Variants in ARHGEF7 observed in about 807,000 individuals in gnomAD.
The protein encoded by ARHGEF7 is PAK-interacting exchange factor beta.
In ARHGEF7, 33 loss-of-function variants were observed where a neutral mutation model predicts 109.8. That is an observed-to-expected ratio of 0.30 (90% CI 0.23 to 0.40). The LOEUF (loss-of-function observed/expected upper bound fraction) is 0.40, where lower values mean the gene tolerates loss of function less well. ARHGEF7 is among the 10% of genes least tolerant of loss of function. ARHGEF7 has a pLI of 1.00. For missense variants in ARHGEF7, 938 were observed against 1,098.5 expected, an observed-to-expected ratio of 0.85 and a Z score of 2.07; for synonymous variants, 458 against 424.6, an observed-to-expected ratio of 1.08 and a Z score of -0.97.
intron 20 of ARHGEF7, 99 bp from the exon 21 acceptor site, chr13:111,301,379 T>C (rs1398105510): frequency 1.0e-6 from 1 of 987,348 alleles, no homozygotes; most frequent in African/African-American, 1.6e-5. Context: ...AGCAGCTCCG[T>C]GTCCTCCTCT....
At chr13:111,259,805 A>C (rs534384481) in intron 8 of ARHGEF7, among the ~76,000 whole-genome samples, 27 of 152,336 alleles carry the variant, frequency 1.8e-4, no homozygotes, top group African/African-American at 6.3e-4. Flanking sequence ...CTGGAGAGAC[A>C]GATATGTGAC....
chr13:111,260,509 C>G (rs1350735631), intron 8 of ARHGEF7, among the ~76,000 whole-genome samples: 1 of 152,220 alleles, frequency 6.6e-6, no homozygotes, highest in Non-Finnish European at 1.5e-5. Context: ...GATAGTATAT[C>G]TAGCAAAAAT....
At chr13:111,249,273 A>G (rs1434056987) in intron 8 of ARHGEF7, among the ~76,000 whole-genome samples, 2 of 151,972 alleles carry the variant, frequency 1.3e-5, no homozygotes, top group African/African-American at 4.8e-5. Flanking sequence ...CTTTTTTCCA[A>G]ATGTCCATCC....
At chr13:111,195,718 C>A (rs748380870) in intron 2 of ARHGEF7, among the ~76,000 whole-genome samples, 1 of 152,196 alleles carries the variant, frequency 6.6e-6, no homozygotes, top group Non-Finnish European at 1.5e-5. Context: ...GCATAGCGGA[C>A]ATGGATGAGG....
Position 111,145,017 on chromosome 13 carries a change from A to G in ARHGEF7, c.166-8888A>G, listed in dbSNP as rs187269775. Among the ~76,000 whole-genome samples the G allele has an allele frequency of 6.9e-6, 1 of 144,012 alleles. No individual in the cohort carries two copies. Among genetic ancestry groups the G allele is most frequent in the Admixed American group, 7.2e-5 (1 of 13,908 alleles). The allele number at this position is 144,012 out of a possible 152,430, so 94.5% of individuals were successfully genotyped here. On this transcript the variant is annotated intron_variant, in intron 1 of 21. Transcript: ENST00000646102. This position sits in a 1 kb window ranked among gnomAD's most constrained non-coding sequence, Gnocchi z 4.3. ...GCTCCATGCATTTCTAAACACCTAC[A>G]TACATTTTCTTCTTGCTTTTTTTTT... is the stretch of plus-strand genomic sequence containing the variant.
At chr13:111,215,184 C>T (rs964727027) in intron 4 of ARHGEF7, among the ~76,000 whole-genome samples, 3 of 152,216 alleles carry the variant, frequency 2.0e-5, no homozygotes, top group Admixed American at 6.5e-5. Flanking sequence ...TGGGGGCATC[C>T]GTCCCCTCTA....
At chr13:111,148,646 G>A (rs150745183) in intron 1 of ARHGEF7, among the ~76,000 whole-genome samples, 107 of 152,292 alleles carry the variant, frequency 7.0e-4, no homozygotes, top group African/African-American at 2.4e-3. Context: ...ATACAGAAAG[G>A]CAGACTTTGC....
At chr13:111,224,852 C>G (rs1257831129) in intron 5 of ARHGEF7, among the ~76,000 whole-genome samples, 1 of 152,174 alleles carries the variant, frequency 6.6e-6, no homozygotes, top group Non-Finnish European at 1.5e-5. Flanking sequence ...GTCCTTCCTC[C>G]TCTCCGGTGA....
chr13:111,280,169 C>A, intron 13 of ARHGEF7, 103 bp from the exon 14 acceptor site: 1 of 1,220,570 alleles, frequency 8.2e-7, no homozygotes, highest in Admixed American at 2.5e-5. Context: ...AAACACAGTT[C>A]CTCCACCAAT....
At chr13:111,298,527 G>A (rs1305961131) in intron 19 of ARHGEF7, among the ~76,000 whole-genome samples, 1 of 152,246 alleles carries the variant, frequency 6.6e-6, no homozygotes, top group Non-Finnish European at 1.5e-5. Flanking sequence ...TGGAGTGTCA[G>A]GAGTCCTTGC....
intron 8 of ARHGEF7, among the ~76,000 whole-genome samples, chr13:111,250,831 G>A (rs2089651871): frequency 6.6e-6 from 1 of 152,164 alleles, no homozygotes; most frequent in South Asian, 2.1e-4. Flanking sequence ...TATGAAGGAT[G>A]CAACTCAGAA....
chr13:111,117,529 A>G (rs1306982465), intron 1 of ARHGEF7, among the ~76,000 whole-genome samples: 2 of 152,226 alleles, frequency 1.3e-5, no homozygotes, highest in African/African-American at 4.8e-5. Context: ...TTGTAGACAC[A>G]GTTACTGGTT....
intron 1 of ARHGEF7, among the ~76,000 whole-genome samples, chr13:111,137,744 G>A (rs1449289326): frequency 6.6e-6 from 1 of 151,998 alleles, no homozygotes; most frequent in Admixed American, 6.6e-5. Flanking sequence ...TCCATTAAGA[G>A]GCCAAGCTCA....
intron 2 of ARHGEF7, among the ~76,000 whole-genome samples, chr13:111,158,181 A>G (rs1476480348): frequency 1.3e-5 from 2 of 152,246 alleles, no homozygotes; most frequent in East Asian, 3.8e-4. Flanking sequence ...CTATATTCAT[A>G]CATAATAGAA....
In ARHGEF7 at chr13:111,292,211, G is replaced by A. The variant is rs747166103; in HGVS notation, c.2228G>A (p.Arg743His). The A allele has an allele frequency of 2.1e-5, 34 of 1,614,008 alleles. No homozygotes were observed. The highest frequency in any genetic ancestry group is 1.8e-4 in the Admixed American group (11 of 59,998). The change falls in exon 19 of 22, where the codon CGT (arginine) becomes CAT (histidine). Residue 743 changes from arginine (R) to histidine (H), a missense_variant. Arg to His is a conservative substitution (Grantham distance 29). Transcript: ENST00000646102. ...CTGGGGCGTCGCAGTAGCCTTTCTC[G>A]TTTGGAGCCTTCAGACCTCTCGGAA... is the stretch of plus-strand genomic sequence containing the variant. ...DSLGRRSSLS[R>H]LEPSDLSEDS...
chr13:111,143,298 A>G (rs2153361400), intron 1 of ARHGEF7, among the ~76,000 whole-genome samples: 1 of 151,976 alleles, frequency 6.6e-6, no homozygotes, highest in South Asian at 2.1e-4. Flanking sequence ...TCATTTTGAA[A>G]CTCACCCAGA....
At chr13:111,166,621 G>C (rs1026348414) in intron 2 of ARHGEF7, among the ~76,000 whole-genome samples, 1 of 152,220 alleles carries the variant, frequency 6.6e-6, no homozygotes, top group African/African-American at 2.4e-5. Context: ...AGATGGACTA[G>C]ATGGGGTATG....
chr13:111,205,430 T>C (rs1355350075), intron 3 of ARHGEF7, 57 bp downstream of exon 3: 2 of 1,277,454 alleles, frequency 1.6e-6, no homozygotes, highest in African/African-American at 3.1e-5. Flanking sequence ...GCTGACACCT[T>C]TGGTTTTCTT....
intron 1 of ARHGEF7, among the ~76,000 whole-genome samples, chr13:111,141,576 G>A (rs1308833096): frequency 6.6e-6 from 1 of 151,942 alleles, no homozygotes; most frequent in Non-Finnish European, 1.5e-5. Context: ...AACACATTCT[G>A]TAGCCTTTCT....
Sources: gnomAD v4.1 joint callset for allele counts (sites outside exome capture counted in the v4.1 genomes callset) on GRCh38, gnomAD v4.1.1 for gene constraint, Gnocchi (gnomAD v3.1) non-coding constraint, MANE v1.5 for transcripts, NCBI Gene and HGNC (gene_info 2026-07-23, HGNC 2026-07-21) for gene names.